The following EIF2B3 variants were observed in gnomAD, a reference collection of about 807,000 sequenced individuals.
The protein encoded by EIF2B3 is eukaryotic translation initiation factor 2B subunit gamma.
A neutral mutation model predicts 54.1 loss-of-function variants in EIF2B3; 20 were observed. That is an observed-to-expected ratio of 0.37 (90% CI 0.26 to 0.54). The LOEUF is 0.54. EIF2B3 is among the 20% of genes least tolerant of loss of function. The pLI is 0.86. For synonymous variants in EIF2B3, 153 were observed against 188.1 expected (o/e 0.81, Z 1.52); for missense variants, 448 against 547.8 (o/e 0.82, Z 1.82).
At chr1:44,979,107 C>A (rs993506474) in intron 2 of EIF2B3, among the ~76,000 whole-genome samples, 4 of 150,878 alleles carry the variant, frequency 2.7e-5, no homozygotes, top group Non-Finnish European at 5.9e-5. Flanking sequence ...GGCAACATGG[C>A]AAAACCTTGT....
rs201995148 is a variant in EIF2B3 at position 44,942,443 on chromosome 1, T to C, written c.295-778A>G. On this transcript the variant is annotated intron_variant, in intron 3 of 11. Transcript: ENST00000360403. ...TTTTTTTTTTTTTTTTTTTTTTTTT[T>C]TCCAGACAGGGTCTTACTCTGTCAC... Among the ~76,000 whole-genome samples the C allele has an allele frequency of 8.3e-5, 7 of 84,050 alleles. 1 individual carries two copies. The highest frequency in any genetic ancestry group is 1.5e-4 in the Non-Finnish European group (6 of 40,718). 55.1% of individuals were successfully genotyped at this position (84,050 alleles called of 152,430 possible).
At chr1:44,859,070 G>A (rs1165025775) in intron 10 of EIF2B3, among the ~76,000 whole-genome samples, 1 of 152,044 alleles carries the variant, frequency 6.6e-6, no homozygotes, top group Middle Eastern at 3.2e-3. Context: ...AGGCCGAGGT[G>A]GAAGGATCAC....
intron 4 of EIF2B3, among the ~76,000 whole-genome samples, chr1:44,939,773 A>G (rs1644000120): frequency 6.6e-6 from 1 of 152,134 alleles, no homozygotes; most frequent in Non-Finnish European, 1.5e-5. Flanking sequence ...AAAGGGAGAA[A>G]ATTTAAAGAA....
At chr1:44,964,678 T>C (rs1490393701) in intron 3 of EIF2B3, among the ~76,000 whole-genome samples, 23 of 152,234 alleles carry the variant, frequency 1.5e-4, no homozygotes, top group Admixed American at 1.5e-3. Context: ...ACGACTAGTG[T>C]GTTGGTATTA....
chr1:44,976,966 G>A (rs1359187935), intron 3 of EIF2B3, among the ~76,000 whole-genome samples: 5 of 152,164 alleles, frequency 3.3e-5, no homozygotes, highest in Non-Finnish European at 7.4e-5. Flanking sequence ...TAATCTAGGT[G>A]TATATTTAGT....
At position 44,977,657 on chromosome 1, in the gene EIF2B3, G is replaced by T. The variant is rs1644466747; in HGVS notation, c.294+658C>A. The stretch of plus-strand genomic sequence containing the variant: ...TTTTTGTCTTTTTAGTAGAGACAGG[G>T]TCTTACCACGTTGACCAGGCTGGTC... On this transcript the variant is annotated intron_variant, in intron 3 of 11. Transcript: ENST00000360403. 2.0e-5 allele frequency among the ~76,000 whole-genome samples: 3 copies of T among 152,034 alleles called. No individual in the cohort carries two copies. In the South Asian group the frequency reaches 6.2e-4, roughly 32 times the overall value.
chr1:44,926,604 AG>A (rs1643853999), intron 5 of EIF2B3, 23 bp downstream of exon 5: 1 of 1,594,894 alleles, frequency 6.3e-7, no homozygotes, highest in Admixed American at 1.7e-5. Flanking sequence ...GAGAATTGCC[AG>A]AAGAAAAAAC....
At chr1:44,976,045 G>A (rs1644449930) in intron 3 of EIF2B3, among the ~76,000 whole-genome samples, 1 of 152,052 alleles carries the variant, frequency 6.6e-6, no homozygotes, top group Non-Finnish European at 1.5e-5. Context: ...TCTACACAAA[G>A]GTCAGATGGG....
At chr1:44,967,659 G>A (rs1644357138) in intron 3 of EIF2B3, among the ~76,000 whole-genome samples, 1 of 149,172 alleles carries the variant, frequency 6.7e-6, no homozygotes, top group Non-Finnish European at 1.5e-5. Flanking sequence ...AGAATCGCTT[G>A]AACCCAGGAG....
At chr1:44,928,704 T>C (rs1445798360) in intron 4 of EIF2B3, among the ~76,000 whole-genome samples, 5 of 152,158 alleles carry the variant, frequency 3.3e-5, no homozygotes, top group Non-Finnish European at 7.4e-5. Context: ...GCTATATTAT[T>C]GCTATTTTCT....
intron 5 of EIF2B3, among the ~76,000 whole-genome samples, chr1:44,921,898 T>A (rs4543841): frequency 0.27 from 36,934 of 139,096 alleles, 5,587 homozygotes; most frequent in East Asian, 0.73. Flanking sequence ...ATATATATAT[T>A]TTTTTATTTT....
chr1:44,963,226 AAAAACAAAAAAAAC>A (rs1261836175), intron 3 of EIF2B3, among the ~76,000 whole-genome samples: 1 of 151,358 alleles, frequency 6.6e-6, no homozygotes, highest in African/African-American at 2.4e-5. Context: ...AAACAAAAAC[AAAAACAAAAAAAAC>A]AAAACAAAAA....
chr1:44,977,929 T>C (rs1434981623), intron 3 of EIF2B3, among the ~76,000 whole-genome samples: 1 of 152,132 alleles, frequency 6.6e-6, no homozygotes, highest in African/African-American at 2.4e-5. Context: ...ATATCAGAAA[T>C]AAAGTTTTGT....
chr1:44,879,761 G>A, intron 8 of EIF2B3, 57 bp downstream of exon 8: 1 of 1,566,594 alleles, frequency 6.4e-7, no homozygotes, highest in South Asian at 1.1e-5. Context: ...AAACAGACAA[G>A]TGGCTCAGTC....
chr1:44,862,731 G>A (rs1230558661), intron 10 of EIF2B3, among the ~76,000 whole-genome samples: 1 of 152,150 alleles, frequency 6.6e-6, no homozygotes, highest in Admixed American at 6.6e-5. Flanking sequence ...CCAAGTAGCT[G>A]GAATTACAGG....
intron 3 of EIF2B3, among the ~76,000 whole-genome samples, chr1:44,963,805 G>A (rs1401599129): frequency 6.6e-6 from 1 of 152,160 alleles, no homozygotes; most frequent in Non-Finnish European, 1.5e-5. Context: ...ATTATCCAAT[G>A]ATGCAGTAAG....
chr1:44,902,882 T>C (rs1643342137), intron 5 of EIF2B3, among the ~76,000 whole-genome samples: 1 of 147,032 alleles, frequency 6.8e-6, no homozygotes, highest in Non-Finnish European at 1.5e-5. Flanking sequence ...AGCGGCTGCC[T>C]GCTTTGGGCA....
At chr1:44,948,500 T>C (rs1165934116) in intron 3 of EIF2B3, among the ~76,000 whole-genome samples, 1 of 152,050 alleles carries the variant, frequency 6.6e-6, no homozygotes, top group Non-Finnish European at 1.5e-5. Flanking sequence ...TAAAACAGTG[T>C]TTTCCAAACA....
intron 5 of EIF2B3, among the ~76,000 whole-genome samples, chr1:44,925,935 G>C (rs61790561): frequency 6.8e-6 from 1 of 147,730 alleles, no homozygotes; most frequent in South Asian, 2.2e-4. Context: ...AAAAAAAAAG[G>C]CCACTTAGAA....
Sources: allele counts gnomAD v4.1 joint callset (sites outside exome capture counted in the v4.1 genomes callset), GRCh38; gene constraint gnomAD v4.1.1; transcripts MANE v1.5; gene names NCBI Gene and HGNC (gene_info 2026-07-23, HGNC 2026-07-21).